The following CNTN4 variants were observed in gnomAD, a reference collection of about 807,000 sequenced individuals.
The protein encoded by CNTN4 is contactin 4.
CNTN4 carries 77 observed loss-of-function variants against 122.5 expected under a neutral mutation model. That is an observed-to-expected ratio of 0.63 (90% confidence interval 0.52 to 0.76). The LOEUF (loss-of-function observed/expected upper bound fraction) is 0.76. CNTN4 is among the 30% of genes least tolerant of loss of function. The probability of loss-of-function intolerance (pLI) is 0.00; values close to 1 mark genes in which losing one functional copy is unlikely to be tolerated. For synonymous variants in CNTN4, 512 were observed against 447.0 expected (o/e 1.15, Z -1.83); for missense variants, 1,256 against 1,259.1 (o/e 1.00, Z 0.04).
At position 3,016,527 on chromosome 3, in the gene CNTN4, G is replaced by A. The variant is rs1458889066; in HGVS notation, c.1487-9575G>A. ...AAAAACAAACAAGTTGACGGTGAAT[G>A]ACTTTAAGACAGATTATATCTTGCT... On this transcript the variant is annotated intron_variant, in intron 14 of 24. Transcript: ENST00000418658. Among the ~76,000 whole-genome samples, 5 of 152,276 alleles carry A rather than the reference G, an allele frequency of 3.3e-5. No individual in the cohort carries two copies. In the East Asian group the frequency reaches 9.6e-4, roughly 29 times the overall value.
chr3:3,016,262 C>T (rs1180717600), intron 14 of CNTN4, among the ~76,000 whole-genome samples: 1 of 152,080 alleles, frequency 6.6e-6, no homozygotes, highest in East Asian at 1.9e-4. Flanking sequence ...TCTTTTGAAT[C>T]GTAAAGAAAG....
intron 4 of CNTN4, among the ~76,000 whole-genome samples, chr3:2,699,094 G>A (rs1331530785): frequency 3.3e-5 from 5 of 152,054 alleles, no homozygotes; most frequent in Non-Finnish European, 1.5e-5. Flanking sequence ...TTCTAATTGG[G>A]AGACTAGCTT....
intron 2 of CNTN4, among the ~76,000 whole-genome samples, chr3:2,323,295 G>A (rs1338738849): frequency 6.6e-6 from 1 of 152,116 alleles, no homozygotes; most frequent in Non-Finnish European, 1.5e-5. Context: ...ATGGCCAGGG[G>A]AGGGAAAGTC....
chr3:2,228,073 A>G (rs2039351722), intron 2 of CNTN4, among the ~76,000 whole-genome samples: 1 of 152,162 alleles, frequency 6.6e-6, no homozygotes, highest in Non-Finnish European at 1.5e-5. Flanking sequence ...AATGAAAATA[A>G]TATGGTTTTG....
At chr3:2,953,368 G>T (rs966749973) in intron 13 of CNTN4, among the ~76,000 whole-genome samples, 1 of 151,764 alleles carries the variant, frequency 6.6e-6, no homozygotes. Context: ...TGACACAGGC[G>T]GTAGATCGCT....
intron 12 of CNTN4, among the ~76,000 whole-genome samples, chr3:2,909,083 T>G (rs2094270189): frequency 6.6e-6 from 1 of 152,206 alleles, no homozygotes; most frequent in Non-Finnish European, 1.5e-5. Flanking sequence ...CATAGGGACT[T>G]TCACAAGTGC....
chr3:2,162,823 G>A (rs2036024375), intron 2 of CNTN4, among the ~76,000 whole-genome samples: 1 of 152,210 alleles, frequency 6.6e-6, no homozygotes, highest in South Asian at 2.1e-4. Context: ...AGGGCTGGGT[G>A]TGGTGGCTCA....
chr3:2,186,010 C>G (rs940087201), intron 2 of CNTN4, among the ~76,000 whole-genome samples: 10 of 151,992 alleles, frequency 6.6e-5, no homozygotes, highest in Non-Finnish European at 1.2e-4. Flanking sequence ...ATACATGAGC[C>G]ATGTTGCTGT....
chr3:2,366,663 C>G (rs1203139721), intron 3 of CNTN4, among the ~76,000 whole-genome samples: 7 of 151,650 alleles, frequency 4.6e-5, no homozygotes, highest in Non-Finnish European at 2.9e-5. Context: ...GGAGGCGGAG[C>G]TTGCAGTGAG....
intron 6 of CNTN4, among the ~76,000 whole-genome samples, chr3:2,816,654 C>G (rs942213762): frequency 6.6e-6 from 1 of 151,126 alleles, no homozygotes; most frequent in Non-Finnish European, 1.5e-5. Flanking sequence ...AACCCCGTCT[C>G]TACTAAAAAT....
chr3:2,271,802 T>C (rs1333987817), intron 2 of CNTN4, among the ~76,000 whole-genome samples: 1 of 152,174 alleles, frequency 6.6e-6, no homozygotes, highest in Non-Finnish European at 1.5e-5. Flanking sequence ...CCTAACCTTA[T>C]ATTGACATCT....
At chr3:2,637,464 A>G (rs2082710221) in intron 4 of CNTN4, among the ~76,000 whole-genome samples, 1 of 151,974 alleles carries the variant, frequency 6.6e-6, no homozygotes, top group South Asian at 2.1e-4. Context: ...CCTCCTTTCA[A>G]AAGGAGCCCT....
At chr3:2,958,748 G>C (rs2094824936) in intron 13 of CNTN4, among the ~76,000 whole-genome samples, 1 of 152,190 alleles carries the variant, frequency 6.6e-6, no homozygotes, top group Non-Finnish European at 1.5e-5. Context: ...CACTTAAGAG[G>C]TTCTTACGTA....
intron 3 of CNTN4, among the ~76,000 whole-genome samples, chr3:2,469,709 A>G (rs575576448): frequency 3.3e-5 from 5 of 152,302 alleles, no homozygotes; most frequent in African/African-American, 1.2e-4. Flanking sequence ...TGTCAGTACA[A>G]AAACAGGCCT....
chr3:2,112,002 C>G (rs2032996972), intron 2 of CNTN4, among the ~76,000 whole-genome samples: 1 of 152,096 alleles, frequency 6.6e-6, no homozygotes, highest in African/African-American at 2.4e-5. Flanking sequence ...GCAATCCTCT[C>G]TGTGTGGAGA....
intron 4 of CNTN4, among the ~76,000 whole-genome samples, chr3:2,604,022 A>G (rs949698680): frequency 8.5e-5 from 13 of 152,138 alleles, no homozygotes; most frequent in African/African-American, 3.1e-4. Context: ...CACCGTGGAG[A>G]GTGGAAAGGG....
intron 14 of CNTN4, among the ~76,000 whole-genome samples, chr3:3,006,434 G>C (rs1696655610): frequency 6.6e-6 from 1 of 152,122 alleles, no homozygotes; most frequent in Non-Finnish European, 1.5e-5. Flanking sequence ...TCTCAGAGTT[G>C]ATTCATAAAT....
chr3:2,750,234 G>A (rs932814586), intron 6 of CNTN4, among the ~76,000 whole-genome samples: 7 of 152,078 alleles, frequency 4.6e-5, no homozygotes, highest in African/African-American at 1.7e-4. Flanking sequence ...TAATTTATGA[G>A]AAAAACAACC....
At chr3:2,317,959 C>T (rs2043162241) in intron 2 of CNTN4, among the ~76,000 whole-genome samples, 3 of 152,150 alleles carry the variant, frequency 2.0e-5, no homozygotes, top group African/African-American at 7.2e-5. Context: ...AGTCTTTTGT[C>T]TGCATTTTCC....
Sources: gnomAD v4.1 joint callset for allele counts (sites outside exome capture counted in the v4.1 genomes callset) on GRCh38, gnomAD v4.1.1 for gene constraint, MANE v1.5 for transcripts, NCBI Gene and HGNC (gene_info 2026-07-23, HGNC 2026-07-21) for gene names.